CCDC63: variants seen among roughly 807,000 people sequenced by gnomAD.
CCDC63 encodes the protein coiled-coil domain-containing protein 63.
In CCDC63, 54 loss-of-function variants were observed where a neutral mutation model predicts 63.6. That is an observed-to-expected ratio of 0.85 (90% CI 0.68 to 1.07). The LOEUF is 1.07. Ranked by LOEUF, CCDC63 falls within the 50% of genes least tolerant of loss-of-function variation. CCDC63 has a pLI of 0.00. For missense variants in CCDC63, 637 were observed against 689.6 expected, an observed-to-expected ratio of 0.92 and a Z score of 0.86; for synonymous variants, 253 against 266.1, an observed-to-expected ratio of 0.95 and a Z score of 0.48.
chr12:110,859,919 C>A (rs1234597845), intron 4 of CCDC63, among the ~76,000 whole-genome samples: 1 of 152,092 alleles, frequency 6.6e-6, no homozygotes, highest in African/African-American at 2.4e-5. Context: ...CCCCTTCCCC[C>A]ACTCCCGCTT....
At position 110,903,395 on chromosome 12, in the gene CCDC63, T is replaced by C. The variant is rs2071516486; in HGVS notation, c.1343-1193T>C. On this transcript the variant is annotated intron_variant, in intron 10 of 11. Coordinates refer to ENST00000308208, the MANE Select transcript of CCDC63 (RefSeq NM_152591.3). ...ATTCAAAAAACATACCCAAATCCAG[T>C]AGTTATTGAATCAGATAATGAACAT... 2.0e-5 allele frequency among the ~76,000 whole-genome samples: 3 copies of C among 152,202 alleles called. No homozygotes were observed. In the South Asian group the frequency reaches 6.2e-4, roughly 31 times the overall value.
At chr12:110,894,828 C>T (rs1485212755) in intron 9 of CCDC63, among the ~76,000 whole-genome samples, 1 of 152,194 alleles carries the variant, frequency 6.6e-6, no homozygotes, top group Admixed American at 6.5e-5. Context: ...GAAGCCCCAC[C>T]GCTAGCTTTT....
intron 3 of CCDC63, among the ~76,000 whole-genome samples, 175 bp downstream of exon 3, chr12:110,853,749 G>T (rs2070735976): frequency 6.6e-6 from 1 of 152,226 alleles, no homozygotes; most frequent in South Asian, 2.1e-4. Context: ...ACTCACTTGA[G>T]ATGGCTTCAG....
intron 1 of CCDC63, among the ~76,000 whole-genome samples, chr12:110,852,261 C>A (rs964632127): frequency 3.9e-5 from 6 of 152,040 alleles, no homozygotes; most frequent in Admixed American, 3.9e-4. Context: ...TGCCCCGATG[C>A]CTTTTTTTTT....
chr12:110,888,838 CTT>C (rs761848328), intron 8 of CCDC63, among the ~76,000 whole-genome samples: 4,867 of 121,772 alleles, frequency 0.04, 208 homozygotes, highest in East Asian at 0.13. Flanking sequence ...TCCTTCCTTC[CTT>C]CCTTCCTTCC....
At chr12:110,850,701 G>A (rs1346484985) in intron 1 of CCDC63, among the ~76,000 whole-genome samples, 3 of 152,084 alleles carry the variant, frequency 2.0e-5, no homozygotes, top group African/African-American at 7.2e-5. Flanking sequence ...AGATTGTGCC[G>A]TTGCACTCCA....
intron 4 of CCDC63, among the ~76,000 whole-genome samples, chr12:110,867,350 G>T (rs1170911747): frequency 8.5e-6 from 1 of 117,870 alleles, no homozygotes; most frequent in Non-Finnish European, 1.8e-5. Context: ...CGGGTGGAGG[G>T]CTGACCCCCC....
At chr12:110,851,347 A>G (rs1432409932) in intron 1 of CCDC63, among the ~76,000 whole-genome samples, 2 of 152,176 alleles carry the variant, frequency 1.3e-5, no homozygotes, top group Non-Finnish European at 1.5e-5. Context: ...AGCCTCTTGC[A>G]GAGGCGAGAT....
rs536387226 is a variant in CCDC63 at position 110,856,098 on chromosome 12, T to C, written c.180-2488T>C. On this transcript the variant is annotated intron_variant, in intron 3 of 11. Transcript: ENST00000308208. Reference sequence around the variant, plus strand: ...CCTCTTTTTTTTTTCTTTTTTTTTTTTTTTTGAGATGGAGTCTTGCTTTGT... The same window carrying C: ...CCTCTTTTTTTTTTCTTTTTTTTTTCTTTTTGAGATGGAGTCTTGCTTTGT... Among the ~76,000 whole-genome samples, 60 of 150,810 alleles carry C rather than the reference T, an allele frequency of 4.0e-4. No homozygotes were observed. The East Asian group carries it at 0.01, about 26-fold the overall frequency.
At chr12:110,903,165 C>T (rs1358055849) in intron 10 of CCDC63, among the ~76,000 whole-genome samples, 1 of 152,018 alleles carries the variant, frequency 6.6e-6, no homozygotes, top group Non-Finnish European at 1.5e-5. Context: ...GTGTGAGCCA[C>T]TGCACCTGGC....
chr12:110,893,129 C>T lies in CCDC63; in HGVS notation c.1128C>T (p.His376=), dbSNP rs777486982. 1 of 1,614,116 alleles carries T rather than the reference C, an allele frequency of 6.2e-7. No homozygotes were observed. The highest frequency in any genetic ancestry group is 1.1e-5 in the South Asian group (1 of 91,072). Residue 376 remains histidine, a synonymous_variant, in exon 9 of 12, where the codon CAC becomes CAT. Coordinates refer to ENST00000308208, the MANE Select transcript of CCDC63 (RefSeq NM_152591.3). ...SQQKLSHDDN[H]SVLRQLEDKL... is the part of the protein sequence containing the mutation. ...AGAAATTGTCCCACGATGACAACCA[C>T]TCTGTCCTGAGACAGCTGGAGGTGA...
chr12:110,865,274 C>T (rs1418316160), intron 4 of CCDC63, among the ~76,000 whole-genome samples: 1 of 152,130 alleles, frequency 6.6e-6, no homozygotes, highest in African/African-American at 2.4e-5. Flanking sequence ...GCACTTCTTG[C>T]TGCCTAAAAT....
intron 6 of CCDC63, among the ~76,000 whole-genome samples, chr12:110,880,545 C>T (rs932355742): frequency 6.6e-6 from 1 of 151,940 alleles, no homozygotes; most frequent in East Asian, 1.9e-4. Context: ...AGAGTCAGAT[C>T]TGGGTTTAAA....
Position 110,889,220 on chromosome 12 carries a change from A to G in CCDC63, c.1075-3856A>G, listed in dbSNP as rs2071326845. On this transcript the variant is annotated intron_variant, in intron 8 of 11. Transcript: ENST00000308208. This position sits in a 1 kb window ranked among gnomAD's most constrained non-coding sequence, Gnocchi z 4.1. ...ATTGAGCACCTACTGCGTTCCAGAC[A>G]CTGCTCTAGACCCTGATAATGTGGC... is the stretch of plus-strand genomic sequence containing the variant. Among the ~76,000 whole-genome samples, 1 of 152,176 alleles carries G rather than the reference A, an allele frequency of 6.6e-6. No homozygotes were observed. Among genetic ancestry groups the G allele is most frequent in the African/African-American group, 2.4e-5 (1 of 41,430 alleles).
intron 4 of CCDC63, among the ~76,000 whole-genome samples, chr12:110,860,119 T>C (rs1032170706): frequency 1.3e-5 from 2 of 152,170 alleles, no homozygotes; most frequent in African/African-American, 4.8e-5. Context: ...GTAGGGACAT[T>C]GAAACACTAG....
At position 110,867,947 on chromosome 12, in the gene CCDC63, C is replaced by T. The variant is rs866870102; in HGVS notation, c.370-5895C>T. 5.3e-3 allele frequency among the ~76,000 whole-genome samples: 756 copies of T among 141,870 alleles called. 1 individual carries two copies. The highest frequency in any genetic ancestry group is 8.0e-3 in the Non-Finnish European group (522 of 65,020). 93.1% of individuals were successfully genotyped at this position (141,870 alleles called of 152,430 possible). ...CTCACTTCTCAGACGGGGCAGCTGC[C>T]GGGCGGAGGGGCTCCTCACTTCTCA... On this transcript the variant is annotated intron_variant, in intron 4 of 11. Coordinates refer to ENST00000308208, the MANE Select transcript of CCDC63 (RefSeq NM_152591.3).
intron 5 of CCDC63, among the ~76,000 whole-genome samples, chr12:110,877,023 A>C (rs1261182293): frequency 6.6e-6 from 1 of 152,120 alleles, no homozygotes; most frequent in African/African-American, 2.4e-5. Flanking sequence ...CTGTTTCATA[A>C]AAATAAAAAA....
At chr12:110,871,700 G>C (rs963619709) in intron 4 of CCDC63, among the ~76,000 whole-genome samples, 6 of 151,854 alleles carry the variant, frequency 4.0e-5, no homozygotes, top group African/African-American at 1.5e-4. Context: ...TCAATGAACT[G>C]ATACTTAGGT....
chr12:110,889,326 A>G lies in CCDC63; in HGVS notation c.1075-3750A>G, dbSNP rs987891160. Among the ~76,000 whole-genome samples, 1 of 152,184 alleles carries G rather than the reference A, an allele frequency of 6.6e-6. No individual in the cohort carries two copies. Among genetic ancestry groups the G allele is most frequent in the Non-Finnish European group, 1.5e-5 (1 of 68,038 alleles). Reference sequence around the variant, plus strand: ...GAAACAGACAATAAACAACAAGCCCAATACTTACGTAAGTTATAGAGTAAG... The same window carrying G: ...GAAACAGACAATAAACAACAAGCCCGATACTTACGTAAGTTATAGAGTAAG... On this transcript the variant is annotated intron_variant, in intron 8 of 11. Coordinates refer to ENST00000308208, the MANE Select transcript of CCDC63 (RefSeq NM_152591.3). The surrounding 1 kb of genome is among the most constrained non-coding windows in gnomAD (Gnocchi z 4.1).
Sources: allele counts gnomAD v4.1 joint callset (sites outside exome capture counted in the v4.1 genomes callset), GRCh38; gene constraint gnomAD v4.1.1; non-coding constraint Gnocchi (gnomAD v3.1); transcripts MANE v1.5; gene names NCBI Gene and HGNC (gene_info 2026-07-23, HGNC 2026-07-21).